The following TENM4 variants were observed in gnomAD, a reference collection of about 807,000 sequenced individuals.
TENM4 encodes the protein teneurin-4.
In TENM4, 82 loss-of-function variants were observed where a neutral mutation model predicts 243.3. That is an observed-to-expected ratio of 0.34 (90% CI 0.28 to 0.40). The LOEUF is 0.40. Among genes scored for constraint, TENM4 ranks in the 10% least tolerant of loss-of-function variants. The pLI is 1.00. For missense variants in TENM4, 3,138 were observed against 3,673.3 expected, an observed-to-expected ratio of 0.85 and a Z score of 3.77; for synonymous variants, 1,412 against 1,456.3, an observed-to-expected ratio of 0.97 and a Z score of 0.69.
rs376235404 is a variant in TENM4 at position 78,708,407 on chromosome 11, G to C, written c.4163C>G (p.Thr1388Arg). ...ATCACAGCTGAGTGGCCGGGCTGATGTGAGATCATTAGAGCCGAGCAGGGT... is the reference window on the plus strand; with the variant it reads ...ATCACAGCTGAGTGGCCGGGCTGATCTGAGATCATTAGAGCCGAGCAGGGT... ...ISTLLGSNDLTSARPLSCDSV... is the reference protein window; with the variant it reads ...ISTLLGSNDLRSARPLSCDSV... Residue 1388 changes from threonine (T) to arginine (R), a missense_variant, in exon 27 of 34, where the codon ACA (threonine) becomes AGA (arginine). Thr to Arg is a moderately conservative substitution (Grantham distance 71, BLOSUM62 -1). Coordinates refer to ENST00000278550, the MANE Select transcript of TENM4 (RefSeq NM_001098816.3). 3.7e-6 allele frequency: 6 copies of C among 1,614,050 alleles called. No individual in the cohort carries two copies. The South Asian group carries it at 6.6e-5, about 18-fold the overall frequency.
intron 25 of TENM4, among the ~76,000 whole-genome samples, chr11:78,717,888 T>C (rs930857933): frequency 1.3e-5 from 2 of 152,208 alleles, no homozygotes; most frequent in African/African-American, 4.8e-5. Flanking sequence ...GGAAGAGCTC[T>C]GGGACGAGGC....
chr11:78,985,697 C>T (rs766780978), intron 6 of TENM4, among the ~76,000 whole-genome samples: 21 of 152,008 alleles, frequency 1.4e-4, no homozygotes, highest in Non-Finnish European at 2.8e-4. Flanking sequence ...AAATATTTTC[C>T]TTGTTTCCTT....
chr11:78,797,890 T>A (rs1857193663), intron 15 of TENM4, among the ~76,000 whole-genome samples: 1 of 152,240 alleles, frequency 6.6e-6, no homozygotes, highest in African/African-American at 2.4e-5. Flanking sequence ...TCCTATAACA[T>A]GCCTATACAG....
intron 2 of TENM4, among the ~76,000 whole-genome samples, chr11:79,272,217 T>C (rs1855980681): frequency 6.6e-6 from 1 of 152,166 alleles, no homozygotes; most frequent in South Asian, 2.1e-4. Context: ...CTCCTTTCCA[T>C]TCAACAGTCA....
intron 1 of TENM4, among the ~76,000 whole-genome samples, chr11:79,303,871 A>G (rs985119554): frequency 2.6e-5 from 4 of 152,162 alleles, no homozygotes; most frequent in Admixed American, 2.6e-4. Context: ...TTGGGCTGGT[A>G]GCGTGTTAAG....
intron 15 of TENM4, among the ~76,000 whole-genome samples, chr11:78,798,488 T>C (rs575264144): frequency 6.6e-5 from 10 of 152,314 alleles, no homozygotes; most frequent in African/African-American, 9.6e-5. Context: ...CTAGGCCAGA[T>C]TGAGTTGAGA....
intron 4 of TENM4, among the ~76,000 whole-genome samples, chr11:79,091,103 C>G (rs1451677960): frequency 6.6e-6 from 1 of 152,066 alleles, no homozygotes; most frequent in Admixed American, 6.6e-5. Context: ...CCCGGTCCAG[C>G]CTAGGCGCTT....
intron 6 of TENM4, among the ~76,000 whole-genome samples, chr11:79,032,703 T>C (rs1859278486): frequency 6.6e-6 from 1 of 152,204 alleles, no homozygotes; most frequent in Admixed American, 6.5e-5. Context: ...TTGAAGATAC[T>C]GTATTTAAGC....
chr11:79,219,509 T>C (rs1864117816), intron 2 of TENM4, among the ~76,000 whole-genome samples: 1 of 152,180 alleles, frequency 6.6e-6, no homozygotes, highest in African/African-American at 2.4e-5. Context: ...ATTAGGTGCT[T>C]TGATGTTATT....
In TENM4 at chr11:78,729,531, A is replaced by G. The variant is rs1429535166; in HGVS notation, c.3251T>C (p.Ile1084Thr). Reference sequence around the variant, plus strand: ...GTGCACCTTCATGAGGTTGAAGGGGATGGTCGGGTGGGTGAGGCTGATCCT... The same window carrying G: ...GTGCACCTTCATGAGGTTGAAGGGGGTGGTCGGGTGGGTGAGGCTGATCCT... ...VLRISLTHPTIPFNLMKVHLM... is the reference protein window; with the variant it reads ...VLRISLTHPTTPFNLMKVHLM... The change falls in exon 22 of 34, where the codon ATC becomes ACC. Residue 1084 changes from isoleucine to threonine, a missense_variant. Around this residue, in one of 2 missense-constraint regions of TENM4, gnomAD observed 2,467 missense variants for 3,059.1 expected, o/e 0.81. Coordinates refer to ENST00000278550, the MANE Select transcript of TENM4 (RefSeq NM_001098816.3). 1 of 1,613,904 alleles carries G rather than the reference A, an allele frequency of 6.2e-7. No homozygotes were observed. Among genetic ancestry groups the G allele is most frequent in the Non-Finnish European group, 8.5e-7 (1 of 1,179,866 alleles).
intron 1 of TENM4, among the ~76,000 whole-genome samples, chr11:79,360,853 C>T (rs1328093494): frequency 6.6e-6 from 1 of 152,090 alleles, no homozygotes; most frequent in South Asian, 2.1e-4. Context: ...AAATATCAAC[C>T]CATCATGTCT....
intron 32 of TENM4, among the ~76,000 whole-genome samples, chr11:78,667,161 C>T (rs1365095635): frequency 6.6e-6 from 1 of 152,166 alleles, no homozygotes; most frequent in Admixed American, 6.5e-5. Flanking sequence ...ACATTGTTAG[C>T]ATATTCATGT....
In TENM4 at chr11:79,298,009, C is replaced by T. The variant is rs531695858; in HGVS notation, c.-320-466G>A. On this transcript the variant is annotated intron_variant, in intron 1 of 33. Transcript: ENST00000278550. ...TATCAAGATATCCCATATTAAAAAGCACCACGCCAGTCATGATTTTCCTCT... is the reference window on the plus strand; with the variant it reads ...TATCAAGATATCCCATATTAAAAAGTACCACGCCAGTCATGATTTTCCTCT... Among the ~76,000 whole-genome samples the T allele has an allele frequency of 4.6e-5, 7 of 151,790 alleles. 1 individual carries two copies. The South Asian group carries it at 1.5e-3, about 32-fold the overall frequency.
chr11:78,816,797 C>T (rs984718105), intron 12 of TENM4, among the ~76,000 whole-genome samples: 8 of 152,152 alleles, frequency 5.3e-5, no homozygotes, highest in South Asian at 2.1e-4. Flanking sequence ...ACAAGCCTTG[C>T]CTATAGGAAA....
chr11:78,862,391 CAA>C (rs1858844651), intron 10 of TENM4, among the ~76,000 whole-genome samples: 1 of 152,090 alleles, frequency 6.6e-6, no homozygotes, highest in South Asian at 2.1e-4. Context: ...ATGCTTTTGG[CAA>C]AAAGTTTTAA....
chr11:79,144,433 T>C (rs1862355374), intron 4 of TENM4, among the ~76,000 whole-genome samples: 1 of 152,042 alleles, frequency 6.6e-6, no homozygotes, highest in Non-Finnish European at 1.5e-5. Flanking sequence ...ACTAGGTACA[T>C]ACCCCAAAGA....
intron 9 of TENM4, among the ~76,000 whole-genome samples, chr11:78,881,794 C>T (rs1855437886): frequency 6.6e-6 from 1 of 152,180 alleles, no homozygotes; most frequent in African/African-American, 2.4e-5. Context: ...GCGAGTTGGT[C>T]CCTTCTCCCT....
rs75068597 is a variant in TENM4, at chr11:79,351,950, T to C, written c.-320-54407A>G. 6.4e-3 allele frequency among the ~76,000 whole-genome samples: 979 copies of C among 152,268 alleles called. 15 individuals carry two copies. The highest frequency in any genetic ancestry group is 0.023 in the African/African-American group (940 of 41,548). On this transcript the variant is annotated intron_variant, in intron 1 of 33. Coordinates refer to ENST00000278550, the MANE Select transcript of TENM4 (RefSeq NM_001098816.3). ...GGAAACAAATGAAACTGGGAGTCAC[T>C]TCTAGTTCCTGATTTCCTCAGCCCC...
At chr11:79,180,410 T>C (rs1863258462) in intron 3 of TENM4, among the ~76,000 whole-genome samples, 1 of 151,646 alleles carries the variant, frequency 6.6e-6, no homozygotes, top group Non-Finnish European at 1.5e-5. Flanking sequence ...AGCATCATAG[T>C]GCAGTGTTCA....
Sources: gnomAD v4.1 joint callset for allele counts (sites outside exome capture counted in the v4.1 genomes callset) on GRCh38, gnomAD v4.1.1 for gene constraint, gnomAD v4.1.1 regional missense constraint, MANE v1.5 for transcripts, NCBI Gene and HGNC (gene_info 2026-07-23, HGNC 2026-07-21) for gene names.